ADAMTS19: variants seen among roughly 807,000 people sequenced by gnomAD.
ADAMTS19 encodes ADAM metallopeptidase with thrombospondin type 1 motif 19.
Under a neutral mutation model 153.3 loss-of-function variants are expected in ADAMTS19, and 93 were observed. That is an observed-to-expected ratio of 0.61 (90% confidence interval 0.51 to 0.72). The LOEUF is 0.72. Among genes scored for constraint, ADAMTS19 ranks in the 30% least tolerant of loss-of-function variants. The pLI is 0.00. For missense variants in ADAMTS19, 1,482 were observed against 1,552.1 expected (o/e 0.95, Z 0.76); for synonymous variants, 600 against 556.6 (o/e 1.08, Z -1.10).
intron 7 of ADAMTS19, among the ~76,000 whole-genome samples, chr5:129,567,178 C>T (rs1487650479): frequency 1.3e-5 from 2 of 151,986 alleles, no homozygotes; most frequent in Non-Finnish European, 1.5e-5. Flanking sequence ...AACCAAGACA[C>T]GCAGAAGCCT....
At chr5:129,731,604 T>C (rs1267620937) in intron 21 of ADAMTS19, among the ~76,000 whole-genome samples, 1 of 152,090 alleles carries the variant, frequency 6.6e-6, no homozygotes, top group Non-Finnish European at 1.5e-5. Flanking sequence ...AATAGTACAT[T>C]AGATTTGAGA....
chr5:129,526,749 C>T (rs1447434642), intron 4 of ADAMTS19, among the ~76,000 whole-genome samples: 1 of 151,542 alleles, frequency 6.6e-6, no homozygotes, highest in Non-Finnish European at 1.5e-5. Context: ...AAAAATGTTT[C>T]TAGCCCCATT....
intron 10 of ADAMTS19, among the ~76,000 whole-genome samples, chr5:129,635,293 T>C (rs963208598): frequency 3.9e-5 from 6 of 152,188 alleles, no homozygotes; most frequent in Non-Finnish European, 5.9e-5. Flanking sequence ...AGGGAACACT[T>C]ATATACTGTT....
At chr5:129,537,700 C>T (rs1296509520) in intron 6 of ADAMTS19, among the ~76,000 whole-genome samples, 1 of 151,868 alleles carries the variant, frequency 6.6e-6, no homozygotes, top group East Asian at 1.9e-4. Context: ...ACCGCATGTT[C>T]TCACTCATAG....
intron 14 of ADAMTS19, 39 bp downstream of exon 14, chr5:129,654,472 AGGAAAATTGTG>A: frequency 6.3e-7 from 1 of 1,589,998 alleles, no homozygotes; most frequent in African/African-American, 1.4e-5. Context: ...TATATGTTGA[AGGAAAATTGTG>A]GGACCACTGA....
intron 16 of ADAMTS19, among the ~76,000 whole-genome samples, chr5:129,673,827 T>C (rs532340390): frequency 6.6e-6 from 1 of 152,380 alleles, no homozygotes; most frequent in Non-Finnish European, 1.5e-5. Flanking sequence ...ACAAATGTTA[T>C]GTCATTTTAA....
rs534794553 is a variant in ADAMTS19, at chr5:129,581,540, T to TA, written c.1373-15008dup. ...TGGTCTATATATTTTGATAATCTTT[T>TA]AAAAAAAAAAAGCTCCTGGATTCAT... On this transcript the variant is annotated intron_variant, in intron 7 of 22. Transcript: ENST00000274487. 1.2e-3 allele frequency among the ~76,000 whole-genome samples: 182 copies of TA among 146,842 alleles called. 2 individuals carry two copies. The highest frequency in any genetic ancestry group is 6.5e-3 in the South Asian group (30 of 4,646).
intron 10 of ADAMTS19, among the ~76,000 whole-genome samples, 177 bp downstream of exon 10, chr5:129,622,525 A>C (rs1412690383): frequency 6.6e-6 from 1 of 152,242 alleles, no homozygotes; most frequent in Non-Finnish European, 1.5e-5. Context: ...CGATAGAAAT[A>C]AGATGTGAGC....
rs149109143 is a variant in ADAMTS19 at position 129,641,876 on chromosome 5, A to G, written c.1788A>G (p.Gly596=). Residue 596 remains glycine (G), a synonymous_variant, in exon 11 of 23, where the codon GGA becomes GGG. Coordinates refer to ENST00000274487, the MANE Select transcript of ADAMTS19 (RefSeq NM_133638.6). ...GTTTTCAGCATGTTATTTGCACAGG[A>G]TTATGGTGCAAGGTAGAAGGTGAGA... The part of the protein sequence containing the change: ...CQEMQHVICT[G]LWCKVEGEKE... 2 of 1,599,916 alleles carry G rather than the reference A, an allele frequency of 1.3e-6. No homozygotes were observed. Among genetic ancestry groups the G allele is most frequent in the Admixed American group, 3.4e-5 (2 of 59,090 alleles).
chr5:129,734,825 T>C (rs963059601), intron 21 of ADAMTS19, 107 bp from the exon 22 acceptor site: 1 of 979,994 alleles, frequency 1.0e-6, no homozygotes, highest in Non-Finnish European at 1.4e-6. Flanking sequence ...TTGCAGCTCA[T>C]ATTTAATTTT....
chr5:129,476,449 G>A (rs1269734361), intron 2 of ADAMTS19, among the ~76,000 whole-genome samples: 1 of 151,890 alleles, frequency 6.6e-6, no homozygotes, highest in Non-Finnish European at 1.5e-5. Flanking sequence ...GTTAGGGTCA[G>A]GGTTCAAATC....
intron 6 of ADAMTS19, among the ~76,000 whole-genome samples, chr5:129,545,371 T>C (rs1329666226): frequency 1.3e-5 from 2 of 152,114 alleles, no homozygotes; most frequent in African/African-American, 2.4e-5. Flanking sequence ...GCAGGCTACA[T>C]AGAGTGGTTA....
In ADAMTS19 at chr5:129,620,614, T is replaced by C. The variant is rs1751735360; in HGVS notation, c.1479-4T>C. The stretch of plus-strand genomic sequence containing the variant: ...TTTTAAAATTTTATTATATTCCAAA[T>C]CAGCATGGGCATTAACCATGACAAT... On this transcript the variant is annotated splice_region_variant and splice_polypyrimidine_tract_variant and intron_variant, in intron 8 of 22. Transcript: ENST00000274487. 1 of 1,556,772 alleles carries C rather than the reference T, an allele frequency of 6.4e-7. No individual in the cohort carries two copies. Among genetic ancestry groups the C allele is most frequent in the South Asian group, 1.3e-5 (1 of 78,484 alleles).
intron 1 of ADAMTS19, 92 bp downstream of exon 1, chr5:129,460,574 G>C (rs537744254): frequency 2.8e-6 from 4 of 1,408,466 alleles, no homozygotes; most frequent in East Asian, 2.3e-5. Context: ...CAACCGGTGC[G>C]TGGAGAGCAG....
At chr5:129,658,473 G>A in intron 14 of ADAMTS19, 144 bp from the exon 15 acceptor site, 2 of 806,826 alleles carry the variant, frequency 2.5e-6, no homozygotes, top group Non-Finnish European at 3.7e-6. Flanking sequence ...GCTTGCACCA[G>A]AGAATGACAT....
At chr5:129,608,510 C>A (rs1751038246) in intron 8 of ADAMTS19, among the ~76,000 whole-genome samples, 1 of 151,956 alleles carries the variant, frequency 6.6e-6, no homozygotes, top group Non-Finnish European at 1.5e-5. Context: ...CAAGAAGAGT[C>A]CTTTTCAGAA....
At chr5:129,706,466 G>T (rs1173812769) in intron 21 of ADAMTS19, among the ~76,000 whole-genome samples, 1 of 151,602 alleles carries the variant, frequency 6.6e-6, no homozygotes, top group African/African-American at 2.4e-5. Flanking sequence ...CTACTAGGGA[G>T]ACTGAGGCAG....
chr5:129,723,430 T>C (rs1757084981), intron 21 of ADAMTS19, among the ~76,000 whole-genome samples: 2 of 152,210 alleles, frequency 1.3e-5, no homozygotes, highest in South Asian at 2.1e-4. Context: ...GTATATTTCA[T>C]TTGTAAAGAA....
At chr5:129,725,251 C>A (rs893535771) in intron 21 of ADAMTS19, among the ~76,000 whole-genome samples, 14 of 152,094 alleles carry the variant, frequency 9.2e-5, no homozygotes, top group Non-Finnish European at 2.1e-4. Flanking sequence ...ACTTGAAGGA[C>A]AAGTGTGCAG....
Sources: allele counts gnomAD v4.1 joint callset (sites outside exome capture counted in the v4.1 genomes callset), GRCh38; gene constraint gnomAD v4.1.1; transcripts MANE v1.5; gene names NCBI Gene and HGNC (gene_info 2026-07-23, HGNC 2026-07-21).